The following COG4 variants were observed in gnomAD, a reference collection of about 807,000 sequenced individuals.
COG4 encodes conserved oligomeric Golgi complex subunit 4.
A neutral mutation model predicts 95.1 loss-of-function variants in COG4; 65 were observed. The observed-to-expected ratio is 0.68, with a 90% CI of 0.56 to 0.84. COG4 has a LOEUF of 0.84. Ranked by LOEUF, COG4 falls within the 40% of genes least tolerant of loss-of-function variation. The pLI, the probability that COG4 is intolerant of heterozygous loss-of-function variation, is 0.00. For synonymous variants in COG4, 421 were observed against 374.8 expected (o/e 1.12, Z -1.42); for missense variants, 1,045 against 989.1 (o/e 1.06, Z -0.76).
At chr16:70,498,640 A>C (rs1369684544) in intron 9 of COG4, among the ~76,000 whole-genome samples, 6 of 152,014 alleles carry the variant, frequency 3.9e-5, no homozygotes, top group Admixed American at 3.9e-4. Flanking sequence ...TTTAACTTTC[A>C]TGTTGTTTCA....
rs1261792329 is a variant in COG4 at position 70,512,347 on chromosome 16, G to A, written c.630C>T (p.Ala210=). Residue 210 remains alanine (A), a synonymous_variant, in exon 5 of 19, where the codon GCC becomes GCT. Coordinates refer to ENST00000323786, the MANE Select transcript of COG4 (RefSeq NM_015386.3). ...KAIVAEKFAI[A]TKEGDLPQVE... ...CCTGGGGCAGATCACCTTCCTTGGT[G>A]GCAATGGCAAACTTCTCTGCCACAA... The A allele has an allele frequency of 6.2e-7, 1 of 1,614,120 alleles. No individual in the cohort carries two copies. Among genetic ancestry groups the A allele is most frequent in the East Asian group, 2.2e-5 (1 of 44,886 alleles).
intron 4 of COG4, among the ~76,000 whole-genome samples, chr16:70,513,437 G>T (rs754349599): frequency 6.6e-6 from 1 of 152,168 alleles, no homozygotes; most frequent in African/African-American, 2.4e-5. Flanking sequence ...ATCTGTAGGG[G>T]ATCCATTCCA....
chr16:70,481,394 G>T lies in COG4; in HGVS notation c.2200C>A (p.Leu734Ile). ...TWTIRDKFARLSQMATILNLE... is the reference protein window; with the variant it reads ...TWTIRDKFARISQMATILNLE... ...TTGAGGATGGTGGCCATCTGGGAGAGCCGGGCAAACTTGTCTCGGATGGTC... is the reference window on the plus strand; with the variant it reads ...TTGAGGATGGTGGCCATCTGGGAGATCCGGGCAAACTTGTCTCGGATGGTC... Residue 734 changes from leucine (L) to isoleucine (I), a missense_variant, in exon 18 of 19, where the codon CTC (leucine) becomes ATC (isoleucine). Leu to Ile is a conservative substitution (Grantham distance 5). Coordinates refer to ENST00000323786, the MANE Select transcript of COG4 (RefSeq NM_015386.3). 1 of 1,613,376 alleles carries T rather than the reference G, an allele frequency of 6.2e-7. No individual in the cohort carries two copies. The highest frequency in any genetic ancestry group is 1.3e-5 in the African/African-American group (1 of 75,028).
Position 70,480,884 on chromosome 16 carries a change from C to A in COG4, c.*126G>T. ...GGTCCAGACTTTGTTTCTCTGCTGC[C>A]AGCCGTAGAAAGGTCTGGGCTGTCA... On this transcript the variant is annotated 3_prime_UTR_variant, in exon 19 of 19. Transcript: ENST00000323786. 1 of 1,147,862 alleles carries A rather than the reference C, an allele frequency of 8.7e-7. No homozygotes were observed. The highest frequency in any genetic ancestry group is 1.3e-6 in the Non-Finnish European group (1 of 780,034). 71.1% of individuals were successfully genotyped at this position (1,147,862 alleles called of 1,614,324 possible).
chr16:70,481,868 G>A lies in COG4; in HGVS notation c.2005-3C>T, dbSNP rs2151737427. The A allele has an allele frequency of 6.2e-7, 1 of 1,612,146 alleles. No homozygotes were observed. The highest frequency in any genetic ancestry group is 8.5e-7 in the Non-Finnish European group (1 of 1,178,848). On this transcript the variant is annotated splice_region_variant and splice_polypyrimidine_tract_variant and intron_variant, in intron 16 of 18. Coordinates refer to ENST00000323786, the MANE Select transcript of COG4 (RefSeq NM_015386.3). ...TAGATGACCGGGGACAGGCTGGCCTGCACACAGAGGGTTGACATCAGCCGA... is the reference window on the plus strand; with the variant it reads ...TAGATGACCGGGGACAGGCTGGCCTACACACAGAGGGTTGACATCAGCCGA...
intron 10 of COG4, 102 bp from the exon 11 acceptor site, chr16:70,497,489 C>T (rs1005759267): frequency 5.2e-5 from 59 of 1,133,866 alleles, no homozygotes; most frequent in Non-Finnish European, 6.3e-5. Context: ...TTTTCTGTAC[C>T]TTGTCCATGT....
In COG4 at chr16:70,501,093, T is replaced by C. The variant is rs1393963461; in HGVS notation, c.1062-2A>G. 4 of 1,613,060 alleles carry C rather than the reference T, an allele frequency of 2.5e-6. No individual in the cohort carries two copies. Among genetic ancestry groups the C allele is most frequent in the Non-Finnish European group, 3.4e-6 (4 of 1,179,998 alleles). ...TCAGTCAGGATGGGGTCCAGTTCTCTGAGACACATGGAGCAGAAGGAATAG... is the reference window on the plus strand; with the variant it reads ...TCAGTCAGGATGGGGTCCAGTTCTCCGAGACACATGGAGCAGAAGGAATAG... On this transcript the variant is annotated splice_acceptor_variant, in intron 8 of 18. Coordinates refer to ENST00000323786, the MANE Select transcript of COG4 (RefSeq NM_015386.3). LOFTEE classifies it high-confidence loss of function.
chr16:70,495,397 C>CAAA (rs11382671), intron 12 of COG4, among the ~76,000 whole-genome samples: 1 of 111,320 alleles, frequency 9.0e-6, no homozygotes, highest in African/African-American at 3.5e-5. Flanking sequence ...GACTCCATCT[C>CAAA]AAAAAAAAAA....
At chr16:70,492,717 C>G (rs1312944684) in intron 12 of COG4, among the ~76,000 whole-genome samples, 7 of 149,620 alleles carry the variant, frequency 4.7e-5, no homozygotes, top group Non-Finnish European at 1.0e-4. Context: ...AATCCCAGCA[C>G]TTTGGGAGGC....
chr16:70,495,258 A>G (rs932271254), intron 12 of COG4, among the ~76,000 whole-genome samples: 3 of 151,594 alleles, frequency 2.0e-5, no homozygotes, highest in Admixed American at 1.3e-4. Context: ...TTAGCCAGGT[A>G]TGGTGGCGCA....
At position 70,497,359 on chromosome 16, in the gene COG4, C is replaced by A; in HGVS notation, c.1343G>T (p.Gly448Val). 2 of 1,613,790 alleles carry A rather than the reference C, an allele frequency of 1.2e-6. No individual in the cohort carries two copies. The highest frequency in any genetic ancestry group is 1.7e-6 in the Non-Finnish European group (2 of 1,180,038). Reference sequence around the variant, plus strand: ...ATCCACCATGCTGGATGTCAGCTGGCCCTTCTCATAGGTGTCCAGAGCCAC... The same window carrying A: ...ATCCACCATGCTGGATGTCAGCTGGACCTTCTCATAGGTGTCCAGAGCCAC... ...KAVALDTYEKGQLTSSMVDDV... is the reference protein window; with the variant it reads ...KAVALDTYEKVQLTSSMVDDV... Residue 448 changes from glycine to valine, a missense_variant, in exon 11 of 19, where the codon GGC becomes GTC. Gly to Val is a moderately radical substitution (Grantham distance 109). Transcript: ENST00000323786.
chr16:70,508,599 C>A, intron 7 of COG4, 135 bp from the exon 8 acceptor site: 1 of 783,482 alleles, frequency 1.3e-6, no homozygotes, highest in South Asian at 1.4e-5. Context: ...TCCCTTCAAG[C>A]CAGCAGTGGG....
chr16:70,491,285 C>A (rs564543003), intron 12 of COG4, among the ~76,000 whole-genome samples: 1 of 151,822 alleles, frequency 6.6e-6, no homozygotes, highest in Non-Finnish European at 1.5e-5. Context: ...AAGGCCAAGG[C>A]GGGTGGATCA....
rs778816530 is a variant in COG4 at position 70,508,542 on chromosome 16, T to C, written c.1003-78A>G. 2.2e-5 allele frequency: 28 copies of C among 1,261,604 alleles called. No homozygotes were observed. The African/African-American group carries it at 2.5e-4, about 11-fold the overall frequency. The allele number at this position is 1,261,604 out of a possible 1,614,324, so 78.2% of individuals were successfully genotyped here. A position where few individuals can be genotyped will look rare whatever the true frequency, so the allele number is the denominator to read the frequency against. On this transcript the variant is annotated intron_variant, in intron 7 of 18. Coordinates refer to ENST00000323786, the MANE Select transcript of COG4 (RefSeq NM_015386.3). ...GCCTCTTGCTGGTCACTCCAAACTTTTGGCATACAAGAACATTTAGATTTA... is the reference window on the plus strand; with the variant it reads ...GCCTCTTGCTGGTCACTCCAAACTTCTGGCATACAAGAACATTTAGATTTA...
chr16:70,481,263 G>GTTTAGAGGGAA, intron 18 of COG4, 96 bp downstream of exon 18: 1 of 1,607,236 alleles, frequency 6.2e-7, no homozygotes, highest in Non-Finnish European at 8.5e-7. Flanking sequence ...TATAGAGCTG[G>GTTTAGAGGGAA]CTGCTGGCAG....
intron 13 of COG4, 84 bp from the exon 14 acceptor site, chr16:70,484,053 A>G: frequency 1.0e-6 from 1 of 994,632 alleles, no homozygotes; most frequent in Non-Finnish European, 1.6e-6. Flanking sequence ...CTACTCCTCC[A>G]GCCAGCTATG....
At chr16:70,516,395 C>T (rs1307095552) in intron 3 of COG4, among the ~76,000 whole-genome samples, 1 of 151,302 alleles carries the variant, frequency 6.6e-6, no homozygotes, top group Non-Finnish European at 1.5e-5. Context: ...CTTCTGGGTT[C>T]ACGCTATTCT....
chr16:70,516,458 G>T (rs1377882492), intron 3 of COG4, among the ~76,000 whole-genome samples: 1 of 151,958 alleles, frequency 6.6e-6, no homozygotes, highest in Non-Finnish European at 1.5e-5. Context: ...CACCACCACT[G>T]GCTAATTTTT....
At position 70,523,159 on chromosome 16, in the gene COG4, A is replaced by C. The variant is rs1156817224; in HGVS notation, c.171+214T>G. On this transcript the variant is annotated intron_variant, in intron 1 of 18. Transcript: ENST00000323786. ...GGGGTCTAGGGAGGAGAGGCTGCAG[A>C]TCGCCCAGGTATCAGGGAAGACAAG... is the stretch of plus-strand genomic sequence containing the variant. The C allele has an allele frequency of 8.4e-6, 5 of 596,516 alleles. No individual in the cohort carries two copies. In the East Asian group the frequency reaches 1.1e-4, roughly 14 times the overall value. The allele number at this position is 596,516 out of a possible 1,614,324, so 37.0% of individuals were successfully genotyped here. A position where few individuals can be genotyped will look rare whatever the true frequency, so the allele number is the denominator to read the frequency against.
Sources: gnomAD v4.1 joint callset for allele counts (sites outside exome capture counted in the v4.1 genomes callset) on GRCh38, gnomAD v4.1.1 for gene constraint, MANE v1.5 for transcripts, NCBI Gene and HGNC (gene_info 2026-07-23, HGNC 2026-07-21) for gene names.